MBNL1: variants seen among roughly 807,000 people sequenced by gnomAD.
MBNL1 encodes muscleblind-like protein 1.
MBNL1 carries 8 observed loss-of-function variants against 42.2 expected under a neutral mutation model. The ratio of observed to expected loss-of-function variants is 0.19; its 90% CI spans 0.11 to 0.34. The LOEUF is 0.34. Among genes scored for constraint, MBNL1 ranks in the 10% least tolerant of loss-of-function variants. MBNL1 has a pLI of 1.00. For synonymous variants in MBNL1, 169 were observed against 173.9 expected, an observed-to-expected ratio of 0.97 and a Z score of 0.22; for missense variants, 309 against 495.3, an observed-to-expected ratio of 0.62 and a Z score of 3.57.
At chr3:152,277,449 A>T (rs1289208090) in intron 1 of MBNL1, among the ~76,000 whole-genome samples, 1 of 152,196 alleles carries the variant, frequency 6.6e-6, no homozygotes, top group African/African-American at 2.4e-5. Flanking sequence ...AATGTGGCTG[A>T]CATTTATACT....
At chr3:152,297,877 A>T (rs2151385234) in intron 1 of MBNL1, among the ~76,000 whole-genome samples, 1 of 151,936 alleles carries the variant, frequency 6.6e-6, no homozygotes. Flanking sequence ...GCTGGTCTTG[A>T]ACTCCTGACC....
At chr3:152,437,153 C>A (rs1409513344) in intron 4 of MBNL1, among the ~76,000 whole-genome samples, 3 of 152,202 alleles carry the variant, frequency 2.0e-5, no homozygotes, top group African/African-American at 7.2e-5. Context: ...TACTCTACTT[C>A]TTCCTTGTGA....
chr3:152,335,008 G>A, intron 2 of MBNL1: 1 of 1,022,172 alleles, frequency 9.8e-7, no homozygotes, highest in Non-Finnish European at 1.3e-6. Context: ...CAAGGAGATG[G>A]GTCTAAATGG....
intron 4 of MBNL1, among the ~76,000 whole-genome samples, chr3:152,443,508 A>ACACACACACACACACAC (rs61600245): frequency 1.2e-4 from 18 of 151,114 alleles, no homozygotes; most frequent in African/African-American, 1.7e-4. Context: ...ACACACACAC[A>ACACACACACACACACAC]ACTTTTTATC....
chr3:152,428,351 A>G (rs573703120), intron 3 of MBNL1, among the ~76,000 whole-genome samples: 45 of 152,336 alleles, frequency 3.0e-4, no homozygotes, highest in Middle Eastern at 3.4e-3. Flanking sequence ...GTCTTGTCAG[A>G]CTAGAGGAGA....
At chr3:152,328,454 C>G (rs2081920400) in intron 2 of MBNL1, among the ~76,000 whole-genome samples, 1 of 152,056 alleles carries the variant, frequency 6.6e-6, no homozygotes, top group Admixed American at 6.6e-5. Context: ...GATGTTTTCT[C>G]TAAAGCAGAA....
In MBNL1 at chr3:152,305,789, T is replaced by C. The variant is rs190385798; in HGVS notation, c.174+5422T>C. On this transcript the variant is annotated intron_variant, in intron 2 of 9. Transcript: ENST00000324210. Reference sequence around the variant, plus strand: ...CAAGCTTGATTCTAGTGAGGACTTATGCTAATTGCTCACTTATACTAACAG... The same window carrying C: ...CAAGCTTGATTCTAGTGAGGACTTACGCTAATTGCTCACTTATACTAACAG... Among the ~76,000 whole-genome samples the C allele has an allele frequency of 1.5e-4, 23 of 152,380 alleles. 1 individual carries two copies. The highest frequency in any genetic ancestry group is 1.3e-3 in the Admixed American group (20 of 15,306).
intron 2 of MBNL1, among the ~76,000 whole-genome samples, chr3:152,376,484 C>A (rs938625525): frequency 6.6e-6 from 1 of 151,842 alleles, no homozygotes; most frequent in Non-Finnish European, 1.5e-5. Context: ...GTGGTTCATC[C>A]GTAAAATAAG....
rs764837742 is a variant in MBNL1, at chr3:152,300,182, TA to T, written c.-8del. The T allele has an allele frequency of 2.6e-6, 4 of 1,556,416 alleles. No individual in the cohort carries two copies. The highest frequency in any genetic ancestry group is 3.5e-6 in the Non-Finnish European group (4 of 1,144,398). On this transcript the variant is annotated 5_prime_UTR_variant, in exon 2 of 10. Coordinates refer to ENST00000324210, the MANE Select transcript of MBNL1 (RefSeq NM_021038.5). ...TTTCACTGAAACATTTAACTACCTG[TA>T]AAATCTAAACATGGCTGTTAGTGTC... is the stretch of plus-strand genomic sequence containing the variant.
At chr3:152,418,959 G>A (rs189409571) in intron 3 of MBNL1, among the ~76,000 whole-genome samples, 25 of 151,786 alleles carry the variant, frequency 1.6e-4, no homozygotes, top group Admixed American at 1.2e-3. Context: ...CTTGTGATCC[G>A]CCTGCCACAG....
chr3:152,296,447 G>A (rs2151288921), intron 1 of MBNL1, among the ~76,000 whole-genome samples: 1 of 152,294 alleles, frequency 6.6e-6, no homozygotes, highest in Middle Eastern at 3.4e-3. Context: ...GAGTAGGAAG[G>A]TAAGAAAAAG....
chr3:152,305,270 G>A (rs559973661), intron 2 of MBNL1, among the ~76,000 whole-genome samples: 1 of 152,118 alleles, frequency 6.6e-6, no homozygotes, highest in Non-Finnish European at 1.5e-5. Flanking sequence ...TCAGGTGAAA[G>A]GTGAGAAATG....
chr3:152,315,933 G>A (rs1281809792), intron 2 of MBNL1, among the ~76,000 whole-genome samples: 3 of 151,274 alleles, frequency 2.0e-5, no homozygotes, highest in East Asian at 1.9e-4. Flanking sequence ...ACACCCACAC[G>A]TCTTATGGAA....
At chr3:152,458,950 G>A (rs919247414) in intron 8 of MBNL1, 15 of 198,246 alleles carry the variant, frequency 7.6e-5, no homozygotes, top group Non-Finnish European at 1.3e-4. Context: ...TGAAACCACG[G>A]GGGTGCGTGT....
intron 2 of MBNL1, chr3:152,340,660 A>G (rs13077912): frequency 0.14 from 217,973 of 1,613,904 alleles, 16,189 homozygotes; most frequent in Non-Finnish European, 0.15. Flanking sequence ...CCAGAGTGTT[A>G]GAATCTTATT....
rs183526025 is a variant in MBNL1 at position 152,410,473 on chromosome 3, A to G, written c.175-4468A>G. 2.6e-5 allele frequency among the ~76,000 whole-genome samples: 4 copies of G among 152,368 alleles called. No homozygotes were observed. In the East Asian group the frequency reaches 7.7e-4, roughly 29 times the overall value. ...ATTACAAAAAATGAACTTGGTGTAG[A>G]CCAATATTTTATTAATTTTCCTTCT... On this transcript the variant is annotated intron_variant, in intron 2 of 9. Transcript: ENST00000324210.
intron 1 of MBNL1, among the ~76,000 whole-genome samples, chr3:152,294,779 A>G (rs1463556718): frequency 1.3e-5 from 2 of 152,202 alleles, no homozygotes. Context: ...TTACCCACAT[A>G]TCTTTAAACA....
At chr3:152,352,048 A>G (rs2095062185) in intron 2 of MBNL1, among the ~76,000 whole-genome samples, 1 of 152,130 alleles carries the variant, frequency 6.6e-6, no homozygotes, top group African/African-American at 2.4e-5. Flanking sequence ...TACCATTTTT[A>G]TGGCTTTAGA....
At chr3:152,330,785 C>G (rs908682340) in intron 2 of MBNL1, among the ~76,000 whole-genome samples, 1 of 152,118 alleles carries the variant, frequency 6.6e-6, no homozygotes, top group African/African-American at 2.4e-5. Context: ...TTGTTAATCA[C>G]TTACTGTGCC....
Sources: gnomAD v4.1 joint callset for allele counts (sites outside exome capture counted in the v4.1 genomes callset) on GRCh38, gnomAD v4.1.1 for gene constraint, MANE v1.5 for transcripts, NCBI Gene and HGNC (gene_info 2026-07-23, HGNC 2026-07-21) for gene names.